The following MCTP2 variants were observed in gnomAD, a reference collection of about 807,000 sequenced individuals.
The protein encoded by MCTP2 is multiple C2 and transmembrane domain containing 2.
A neutral mutation model predicts 111.6 loss-of-function variants in MCTP2; 132 were observed. The ratio of observed to expected loss-of-function variants is 1.18; its 90% CI spans 1.03 to 1.37. The LOEUF (loss-of-function observed/expected upper bound fraction) is 1.37. Among genes scored for constraint, MCTP2 ranks in the 40% most tolerant of loss-of-function variants. The pLI is 0.00. For synonymous variants in MCTP2, 395 were observed against 387.7 expected, an observed-to-expected ratio of 1.02 and a Z score of -0.22; for missense variants, 1,183 against 1,067.9, an observed-to-expected ratio of 1.11 and a Z score of -1.50.
At chr15:94,277,197 A>C (rs1272198158) in intron 1 of MCTP2, among the ~76,000 whole-genome samples, 3 of 152,200 alleles carry the variant, frequency 2.0e-5, no homozygotes, top group Non-Finnish European at 2.9e-5. Context: ...AAATTATGAG[A>C]TACCTAGGAA....
chr15:94,275,094 T>G (rs999624747), intron 1 of MCTP2, among the ~76,000 whole-genome samples: 1 of 152,148 alleles, frequency 6.6e-6, no homozygotes, highest in Non-Finnish European at 1.5e-5. Context: ...GAAGAAGCAA[T>G]TACAGTGAAT....
At chr15:94,237,969 G>A (rs547407499) in intron 1 of MCTP2, among the ~76,000 whole-genome samples, 98 of 151,210 alleles carry the variant, frequency 6.5e-4, no homozygotes, top group African/African-American at 2.1e-3. Flanking sequence ...GCCACCCCCC[G>A]CCCCGCGCAC....
At chr15:94,277,249 T>G (rs2074262906) in intron 1 of MCTP2, among the ~76,000 whole-genome samples, 1 of 152,118 alleles carries the variant, frequency 6.6e-6, no homozygotes, top group South Asian at 2.1e-4. Context: ...GTAGGAAAAT[T>G]TAAAAATATA....
intron 8 of MCTP2, among the ~76,000 whole-genome samples, chr15:94,352,603 G>C (rs1292184842): frequency 6.6e-6 from 1 of 152,204 alleles, no homozygotes; most frequent in Admixed American, 6.5e-5. Context: ...GTCTGTTTCA[G>C]TTCAGGTGGG....
intron 3 of MCTP2, 81 bp downstream of exon 3, chr15:94,314,425 T>G: frequency 1.2e-6 from 1 of 831,412 alleles, no homozygotes; most frequent in Non-Finnish European, 1.9e-6. Flanking sequence ...TTTTTTTGCC[T>G]CTTTTATTGC....
At chr15:94,342,585 C>T (rs1006825126) in intron 7 of MCTP2, 22 of 139,942 alleles carry the variant, frequency 1.6e-4, no homozygotes, top group African/African-American at 6.2e-4. Context: ...TTTTTATCCC[C>T]ATATATACAC....
intron 1 of MCTP2, among the ~76,000 whole-genome samples, chr15:94,263,372 T>C (rs994392117): frequency 6.6e-6 from 1 of 152,194 alleles, no homozygotes; most frequent in Non-Finnish European, 1.5e-5. Flanking sequence ...CAAAGTTAGC[T>C]TCCTTTCAGC....
intron 18 of MCTP2, among the ~76,000 whole-genome samples, chr15:94,441,085 AT>A: frequency 6.6e-6 from 1 of 152,124 alleles, no homozygotes; most frequent in South Asian, 2.1e-4. Context: ...GACTTGATTA[AT>A]TTTCTTTCTA....
intron 19 of MCTP2, among the ~76,000 whole-genome samples, chr15:94,456,654 AAGT>A (rs1340066597): frequency 6.6e-6 from 1 of 152,246 alleles, no homozygotes; most frequent in Non-Finnish European, 1.5e-5. Context: ...TAGGATAAAA[AAGT>A]AAAAGTATCT....
At chr15:94,355,970 A>G in intron 8 of MCTP2, 167 bp from the exon 9 acceptor site, 2 of 1,292,580 alleles carry the variant, frequency 1.5e-6, no homozygotes, top group East Asian at 3.2e-5. Context: ...AGGAAGTCAC[A>G]TAACTGTGAC....
intron 17 of MCTP2, among the ~76,000 whole-genome samples, chr15:94,436,850 C>T (rs556978461): frequency 6.8e-6 from 1 of 147,218 alleles, no homozygotes; most frequent in Non-Finnish European, 1.5e-5. Context: ...TTGAGTATGC[C>T]GTTAAAACCC....
At chr15:94,262,345 TAGCAATTTATAAA>T in intron 1 of MCTP2, among the ~76,000 whole-genome samples, 1 of 152,340 alleles carries the variant, frequency 6.6e-6, no homozygotes, top group East Asian at 1.9e-4. Flanking sequence ...GTCCATCTTT[TAGCAATTTATAAA>T]GTGAACTATT....
At chr15:94,356,077 T>C in intron 8 of MCTP2, 60 bp from the exon 9 acceptor site, 1 of 1,405,336 alleles carries the variant, frequency 7.1e-7, no homozygotes. Flanking sequence ...CCTATGATCA[T>C]CAAAGTCACT....
chr15:94,302,499 A>G (rs185137466), intron 2 of MCTP2, among the ~76,000 whole-genome samples: 29 of 152,350 alleles, frequency 1.9e-4, no homozygotes, highest in African/African-American at 6.7e-4. Flanking sequence ...GCAAATGCCA[A>G]ATCCAGCTGT....
chr15:94,379,338 T>G (rs570894984), intron 12 of MCTP2, among the ~76,000 whole-genome samples: 201 of 152,266 alleles, frequency 1.3e-3, no homozygotes, highest in African/African-American at 4.3e-3. Flanking sequence ...AATTAAAATG[T>G]GCTCCAATAT....
chr15:94,245,245 C>CAT (rs2071758194), intron 1 of MCTP2, among the ~76,000 whole-genome samples: 1 of 137,178 alleles, frequency 7.3e-6, no homozygotes, highest in African/African-American at 2.7e-5. Context: ...TGTATATATA[C>CAT]ACATATGTAT....
intron 20 of MCTP2, among the ~76,000 whole-genome samples, chr15:94,468,715 A>AC (rs2073636886): frequency 6.6e-6 from 1 of 151,992 alleles, no homozygotes; most frequent in Non-Finnish European, 1.5e-5. Context: ...GCTCAATGCA[A>AC]CCTCCACTTC....
At chr15:94,456,121 C>G (rs1265376427) in intron 19 of MCTP2, among the ~76,000 whole-genome samples, 1 of 152,130 alleles carries the variant, frequency 6.6e-6, no homozygotes, top group Non-Finnish European at 1.5e-5. Context: ...TTTACTTCTA[C>G]TCTTAAAAGT....
At position 94,358,291 on chromosome 15, in the gene MCTP2, G is replaced by A. The variant is rs548970079; in HGVS notation, c.1171-191G>A. Among the ~76,000 whole-genome samples, 3 of 152,268 alleles carry A rather than the reference G, an allele frequency of 2.0e-5. No homozygotes were observed. The South Asian group carries it at 6.2e-4, about 32-fold the overall frequency. ...ATTATTGGATCTGGGGGGCAGCTAA[G>A]ATAGTAGTAATGTTTTGCCAGTTCT... On this transcript the variant is annotated intron_variant, in intron 9 of 22. Coordinates refer to ENST00000357742, the MANE Select transcript of MCTP2 (RefSeq NM_001385001.1).
Sources: gnomAD v4.1 joint callset for allele counts (sites outside exome capture counted in the v4.1 genomes callset) on GRCh38, gnomAD v4.1.1 for gene constraint, MANE v1.5 for transcripts, NCBI Gene and HGNC (gene_info 2026-07-23, HGNC 2026-07-21) for gene names.